NRXN3: variants seen among roughly 807,000 people sequenced by gnomAD.
NRXN3 encodes the protein neurexin 3.
Under a neutral mutation model 137.6 loss-of-function variants are expected in NRXN3, and 32 were observed. That is an observed-to-expected ratio of 0.23 (90% CI 0.18 to 0.31). The LOEUF is 0.31. Ranked by LOEUF, NRXN3 falls within the 10% of genes least tolerant of loss-of-function variation. The pLI, the probability that NRXN3 is intolerant of heterozygous loss-of-function variation, is 1.00. For missense variants in NRXN3, 1,574 were observed against 2,062.5 expected, an observed-to-expected ratio of 0.76 and a Z score of 4.59; for synonymous variants, 798 against 784.5, an observed-to-expected ratio of 1.02 and a Z score of -0.29.
At chr14:78,774,579 G>A (rs1202969991) in intron 8 of NRXN3, among the ~76,000 whole-genome samples, 1 of 152,148 alleles carries the variant, frequency 6.6e-6, no homozygotes, top group Non-Finnish European at 1.5e-5. Flanking sequence ...CATTGAGGTG[G>A]ATACTATTAT....
At chr14:79,088,097 A>G (rs2152792757) in intron 15 of NRXN3, among the ~76,000 whole-genome samples, 1 of 150,110 alleles carries the variant, frequency 6.7e-6, no homozygotes, top group South Asian at 2.1e-4. Context: ...ATGGAGGGCA[A>G]TGGCGCATGA....
chr14:79,140,419 T>A (rs1250919300), intron 15 of NRXN3, among the ~76,000 whole-genome samples: 1 of 152,176 alleles, frequency 6.6e-6, no homozygotes, highest in Non-Finnish European at 1.5e-5. Context: ...TGTTTACCTC[T>A]GTACCCAGCA....
At chr14:79,697,413 T>C (rs2098739520) in intron 18 of NRXN3, among the ~76,000 whole-genome samples, 1 of 151,936 alleles carries the variant, frequency 6.6e-6, no homozygotes, top group African/African-American at 2.4e-5. Flanking sequence ...AGAGACTTGA[T>C]TGTTCAAGTT....
intron 10 of NRXN3, among the ~76,000 whole-genome samples, chr14:78,852,878 C>CT (rs201617179): frequency 0.16 from 23,442 of 142,276 alleles, 1,970 homozygotes; most frequent in East Asian, 0.34. Context: ...TGGTTAGTTT[C>CT]TTTTTTTTTT....
chr14:78,790,570 G>T (rs905115706), intron 8 of NRXN3, among the ~76,000 whole-genome samples: 2 of 152,180 alleles, frequency 1.3e-5, no homozygotes, highest in Non-Finnish European at 2.9e-5. Flanking sequence ...TGCAGTTTAA[G>T]ATCAGCCCAG....
chr14:78,435,453 A>G (rs75655413), intron 4 of NRXN3, among the ~76,000 whole-genome samples: 3,523 of 152,276 alleles, frequency 0.023, 69 homozygotes, highest in Non-Finnish European at 0.034. Context: ...GCTAAGCAGT[A>G]TTGCTCTGCC....
chr14:78,778,043 A>G (rs576676091), intron 8 of NRXN3, among the ~76,000 whole-genome samples: 1 of 152,298 alleles, frequency 6.6e-6, no homozygotes, highest in South Asian at 2.1e-4. Flanking sequence ...GATTACAGGC[A>G]TGAGCCACCA....
chr14:79,532,188 A>G (rs1385971245), intron 16 of NRXN3, among the ~76,000 whole-genome samples: 1 of 152,214 alleles, frequency 6.6e-6, no homozygotes, highest in Non-Finnish European at 1.5e-5. Flanking sequence ...TAGCATTTAT[A>G]GCATATATGG....
At chr14:79,449,341 G>A (rs1335745802) in intron 15 of NRXN3, among the ~76,000 whole-genome samples, 2 of 152,158 alleles carry the variant, frequency 1.3e-5, no homozygotes, top group African/African-American at 4.8e-5. Flanking sequence ...TGACATCAGA[G>A]GAAGGCCCTT....
chr14:79,065,448 G>C (rs2099679595), intron 15 of NRXN3, among the ~76,000 whole-genome samples: 1 of 152,132 alleles, frequency 6.6e-6, no homozygotes, highest in Non-Finnish European at 1.5e-5. Flanking sequence ...TGCAGAAAGG[G>C]TGGCCATGTA....
intron 19 of NRXN3, among the ~76,000 whole-genome samples, chr14:79,753,148 G>A (rs2099004685): frequency 6.6e-6 from 1 of 151,996 alleles, no homozygotes; most frequent in Non-Finnish European, 1.5e-5. Flanking sequence ...CAACCATTGT[G>A]GAAGTCAGTG....
intron 15 of NRXN3, among the ~76,000 whole-genome samples, chr14:79,190,940 C>T (rs77480902): frequency 0.036 from 5,423 of 152,268 alleles, 232 homozygotes; most frequent in East Asian, 0.21. Flanking sequence ...ATAGCCAAAA[C>T]AATTCAGTAT....
chr14:78,235,138 T>C (rs184802829), intron 1 of NRXN3, among the ~76,000 whole-genome samples: 40 of 151,608 alleles, frequency 2.6e-4, no homozygotes, highest in African/African-American at 9.4e-4. Flanking sequence ...GTTGTTTATA[T>C]TGGAGGATCA....
At chr14:78,650,143 C>T (rs2097726360) in intron 5 of NRXN3, among the ~76,000 whole-genome samples, 1 of 151,930 alleles carries the variant, frequency 6.6e-6, no homozygotes, top group Non-Finnish European at 1.5e-5. Context: ...GAAAAGACTA[C>T]CTTTTAGTTT....
chr14:78,645,764 C>T (rs958634227), intron 5 of NRXN3, among the ~76,000 whole-genome samples: 1 of 151,896 alleles, frequency 6.6e-6, no homozygotes, highest in African/African-American at 2.4e-5. Context: ...TTGTTAAATT[C>T]AATTAGGGAC....
chr14:78,297,024 A>G (rs2076412970), intron 3 of NRXN3, among the ~76,000 whole-genome samples: 2 of 152,216 alleles, frequency 1.3e-5, no homozygotes, highest in South Asian at 4.1e-4. Flanking sequence ...AGGAGCTCTT[A>G]ATATCCCTGT....
At chr14:79,461,511 A>G (rs1414430465) in intron 15 of NRXN3, among the ~76,000 whole-genome samples, 1 of 152,202 alleles carries the variant, frequency 6.6e-6, no homozygotes, top group South Asian at 2.1e-4. Context: ...GAGGAAAACC[A>G]TAGAACAAAC....
rs115630274 is a variant in NRXN3, at chr14:78,741,187, T to C, written c.2044+26048T>C. 2.1e-3 allele frequency among the ~76,000 whole-genome samples: 316 copies of C among 152,318 alleles called. 4 individuals are homozygous for C. Among genetic ancestry groups the C allele is most frequent in the African/African-American group, 7.3e-3 (303 of 41,568 alleles). The stretch of plus-strand genomic sequence containing the variant: ...AGTGTGATATCTTTCAAGGACACAA[T>C]TTTCCTCCAGAAAATCCAGGAATCC... On this transcript the variant is annotated intron_variant, in intron 8 of 20. Coordinates refer to ENST00000335750, the MANE Select transcript of NRXN3 (RefSeq NM_001330195.2).
intron 19 of NRXN3, among the ~76,000 whole-genome samples, chr14:79,733,205 A>T (rs901134562): frequency 2.6e-5 from 4 of 152,138 alleles, no homozygotes; most frequent in Non-Finnish European, 5.9e-5. Flanking sequence ...AATTTTTTTA[A>T]AAAAATGTGT....
Sources: gnomAD v4.1 joint callset for allele counts (sites outside exome capture counted in the v4.1 genomes callset) on GRCh38, gnomAD v4.1.1 for gene constraint, MANE v1.5 for transcripts, NCBI Gene and HGNC (gene_info 2026-07-23, HGNC 2026-07-21) for gene names.